MYO18A: variants seen among roughly 807,000 people sequenced by gnomAD.
MYO18A encodes the protein unconventional myosin-XVIIIa.
In MYO18A, 78 loss-of-function variants were observed where a neutral mutation model predicts 235.8. That is an observed-to-expected ratio of 0.33 (90% CI 0.28 to 0.40). MYO18A has a LOEUF of 0.40. Among genes scored for constraint, MYO18A ranks in the 10% least tolerant of loss-of-function variants. The pLI, the probability that MYO18A is intolerant of heterozygous loss-of-function variation, is 1.00. For synonymous variants in MYO18A, 977 were observed against 1,077.8 expected (o/e 0.91, Z 1.83); for missense variants, 2,215 against 2,699.3 (o/e 0.82, Z 3.98).
intron 2 of MYO18A, among the ~76,000 whole-genome samples, chr17:29,156,993 C>T (rs1027936584): frequency 3.3e-5 from 5 of 152,350 alleles, no homozygotes; most frequent in Non-Finnish European, 4.4e-5. Context: ...GAAACAACAG[C>T]GTGGCCCTGA....
chr17:29,128,266 G>A (rs774213228), intron 2 of MYO18A: 11 of 1,174,428 alleles, frequency 9.4e-6, no homozygotes, highest in African/African-American at 3.3e-5. Flanking sequence ...TCGGGTGCTC[G>A]GGGGACTTGA....
chr17:29,169,388 T>C (rs2068350802), intron 1 of MYO18A, among the ~76,000 whole-genome samples: 1 of 152,104 alleles, frequency 6.6e-6, no homozygotes, highest in South Asian at 2.1e-4. Flanking sequence ...GCACAGTACC[T>C]GGGAGTTAGA....
Position 29,111,876 on chromosome 17 carries a change from A to G in MYO18A, c.2599-13T>C, listed in dbSNP as rs896783690. 7 of 1,603,308 alleles carry G rather than the reference A, an allele frequency of 4.4e-6. No homozygotes were observed. Among genetic ancestry groups the G allele is most frequent in the Non-Finnish European group, 6.0e-6 (7 of 1,174,956 alleles). On this transcript the variant is annotated splice_polypyrimidine_tract_variant and intron_variant, in intron 15 of 41. Transcript: ENST00000527372. The surrounding 1 kb of genome is among the most constrained non-coding windows in gnomAD (Gnocchi z 5.1). Reference sequence around the variant, plus strand: ...CCAGCGAGCGGACCTACAGAGAAGGAAGGAAATCCCTCCTTGTCATATGGA... The same window carrying G: ...CCAGCGAGCGGACCTACAGAGAAGGGAGGAAATCCCTCCTTGTCATATGGA...
chr17:29,160,530 C>T (rs1286201644), intron 2 of MYO18A, among the ~76,000 whole-genome samples: 4 of 152,168 alleles, frequency 2.6e-5, no homozygotes, highest in African/African-American at 9.7e-5. Flanking sequence ...TATTTAATCC[C>T]CCAGTGCTAG....
Position 29,121,476 on chromosome 17 carries a change from A to AG in MYO18A, c.1371+70dup, listed in dbSNP as rs2067197847. 1 of 1,444,476 alleles carries AG rather than the reference A, an allele frequency of 6.9e-7. No homozygotes were observed. The highest frequency in any genetic ancestry group is 9.3e-7 in the Non-Finnish European group (1 of 1,076,238). 89.5% of individuals were successfully genotyped at this position (1,444,476 alleles called of 1,614,324 possible). A position where few individuals can be genotyped will look rare whatever the true frequency, so the allele number is the denominator to read the frequency against. On this transcript the variant is annotated intron_variant, in intron 5 of 41. Coordinates refer to ENST00000527372, the MANE Select transcript of MYO18A (RefSeq NM_078471.4). This position sits in a 1 kb window ranked among gnomAD's most constrained non-coding sequence, Gnocchi z 4.2. The stretch of plus-strand genomic sequence containing the variant: ...GGACAGGAGCCCAGTGGGGTGCCAC[A>AG]GGGGAAGGGCAGAGAGCCAGGGCAG...
chr17:29,090,187 C>A, intron 36 of MYO18A, 89 bp from the exon 37 acceptor site: 1 of 1,450,186 alleles, frequency 6.9e-7, no homozygotes, highest in Admixed American at 2.2e-5. Flanking sequence ...CCACAGTGAC[C>A]AGAAGGCAAG....
rs146527978 is a variant in MYO18A, at chr17:29,178,855, C to G, written c.-82+1458G>C. Among the ~76,000 whole-genome samples the G allele has an allele frequency of 2.4e-3, 369 of 152,362 alleles. 3 individuals are homozygous for G. The highest frequency in any genetic ancestry group is 8.5e-3 in the African/African-American group (354 of 41,584). ...CTGATTCAATGGGCTCTGTACTCAC[C>G]GTCCTGCTCAGGTGATCTTGCTCTT... On this transcript the variant is annotated intron_variant, in intron 1 of 41. Coordinates refer to ENST00000527372, the MANE Select transcript of MYO18A (RefSeq NM_078471.4).
chr17:29,129,541 G>A (rs574760673), intron 2 of MYO18A, among the ~76,000 whole-genome samples: 25 of 152,318 alleles, frequency 1.6e-4, no homozygotes, highest in Admixed American at 5.2e-4. Context: ...CCTGGGGAGC[G>A]TAAGGGCAAC....
intron 2 of MYO18A, among the ~76,000 whole-genome samples, chr17:29,144,797 A>G (rs1179975897): frequency 1.3e-5 from 2 of 152,214 alleles, no homozygotes; most frequent in African/African-American, 4.8e-5. Context: ...TCTATTATAT[A>G]CAGTGGAGTC....
chr17:29,145,183 T>A (rs1034452632), intron 2 of MYO18A, among the ~76,000 whole-genome samples: 6 of 152,198 alleles, frequency 3.9e-5, no homozygotes, highest in Non-Finnish European at 8.8e-5. Flanking sequence ...CCTACTTCCT[T>A]TATATCCCAT....
chr17:29,080,453 C>T (rs1448165786), intron 41 of MYO18A: 16 of 986,034 alleles, frequency 1.6e-5, no homozygotes, highest in Non-Finnish European at 1.8e-5. Flanking sequence ...TCATCCCACT[C>T]CTCTAGGCAG....
At chr17:29,092,827 G>T (rs375682161) in intron 33 of MYO18A, 28 bp downstream of exon 33, 3 of 1,611,870 alleles carry the variant, frequency 1.9e-6, no homozygotes, top group Non-Finnish European at 2.5e-6. Flanking sequence ...TGTTGTGCCT[G>T]GATCAGCCGT....
At chr17:29,095,938 A>T (rs950027970) in intron 28 of MYO18A, among the ~76,000 whole-genome samples, 1 of 152,108 alleles carries the variant, frequency 6.6e-6, no homozygotes, top group East Asian at 1.9e-4. Flanking sequence ...GTAAAGGGGT[A>T]GGGTGGGGGC....
chr17:29,133,815 C>T (rs1055010636), intron 2 of MYO18A: 25 of 1,289,216 alleles, frequency 1.9e-5, no homozygotes, highest in Non-Finnish European at 2.4e-5. Flanking sequence ...TCCCAGAAGG[C>T]GAACCTTGAT....
At position 29,131,463 on chromosome 17, in the gene MYO18A, G is replaced by C. The variant is rs74795059; in HGVS notation, c.1000-9210C>G. 6.3e-4 allele frequency: 617 copies of C among 985,146 alleles called. No homozygotes were observed. The African/African-American group carries it at 0.01, about 17-fold the overall frequency. 61.0% of individuals were successfully genotyped at this position (985,146 alleles called of 1,614,324 possible). A position where few individuals can be genotyped will look rare whatever the true frequency, so the allele number is the denominator to read the frequency against. On this transcript the variant is annotated intron_variant, in intron 2 of 41. Transcript: ENST00000527372. ...TTAACCTGAGGGAGCAGATGAAGAAGTCACTGGCAGGTCAAGGCTGGGAGA... is the reference window on the plus strand; with the variant it reads ...TTAACCTGAGGGAGCAGATGAAGAACTCACTGGCAGGTCAAGGCTGGGAGA...
Position 29,090,573 on chromosome 17 carries a change from G to C in MYO18A, c.5347C>G (p.Leu1783Val). Reference sequence around the variant, plus strand: ...TGCTTCTCTTTGTTGGCTTCTTCTAGCTGAGCTTGGAGATCATTTATCTGA... The same window carrying C: ...TGCTTCTCTTTGTTGGCTTCTTCTACCTGAGCTTGGAGATCATTTATCTGA... The part of the protein sequence containing the change: ...LAQINDLQAQ[L>V]EEANKEKQEL... The change falls in exon 36 of 42, where the codon CTA becomes GTA. Residue 1783 changes from leucine (L) to valine (V), a missense_variant. Leu to Val is a conservative substitution (Grantham distance 32). Coordinates refer to ENST00000527372, the MANE Select transcript of MYO18A (RefSeq NM_078471.4). 1.2e-6 allele frequency: 2 copies of C among 1,600,834 alleles called. No individual in the cohort carries two copies. The highest frequency in any genetic ancestry group is 1.7e-6 in the Non-Finnish European group (2 of 1,173,116).
chr17:29,108,045 C>T (rs945108676), intron 19 of MYO18A, among the ~76,000 whole-genome samples: 1 of 152,122 alleles, frequency 6.6e-6, no homozygotes, highest in Non-Finnish European at 1.5e-5. Context: ...TTCTGAGCCT[C>T]AGTTTCTTCA....
intron 23 of MYO18A, 37 bp from the exon 24 acceptor site, chr17:29,098,482 C>T: frequency 6.2e-7 from 1 of 1,610,714 alleles, no homozygotes; most frequent in South Asian, 1.1e-5. Context: ...GAGCCAAAGG[C>T]ACTGCGAGGG....
In MYO18A at chr17:29,166,326, C is replaced by T; in HGVS notation, c.615G>A (p.Leu205=). ...ELVTKKFPVD[L]RLPPVVPLPP... is the part of the protein sequence containing the mutation. ...GCAGGGGCACCACGGGGGGCAGGCG[C>T]AGGTCGACTGGGAACTTTTTAGTCA... The change falls in exon 2 of 42, where the codon CTG becomes CTA. Residue 205 remains leucine (L), a synonymous_variant. Coordinates refer to ENST00000527372, the MANE Select transcript of MYO18A (RefSeq NM_078471.4). 1 of 1,612,544 alleles carries T rather than the reference C, an allele frequency of 6.2e-7. No individual in the cohort carries two copies. Among genetic ancestry groups the T allele is most frequent in the Non-Finnish European group, 8.5e-7 (1 of 1,179,866 alleles).
Sources: gnomAD v4.1 joint callset for allele counts (sites outside exome capture counted in the v4.1 genomes callset) on GRCh38, gnomAD v4.1.1 for gene constraint, Gnocchi (gnomAD v3.1) non-coding constraint, MANE v1.5 for transcripts, NCBI Gene and HGNC (gene_info 2026-07-23, HGNC 2026-07-21) for gene names.